The following ABCA9 variants were observed in gnomAD, a reference collection of about 807,000 sequenced individuals.
ABCA9 encodes the protein ATP-binding cassette sub-family A member 9.
In ABCA9, 183 loss-of-function variants were observed where a neutral mutation model predicts 205.3. The ratio of observed to expected loss-of-function variants is 0.89; its 90% CI spans 0.79 to 1.01. The LOEUF (loss-of-function observed/expected upper bound fraction) is 1.01. ABCA9 is among the 50% of genes least tolerant of loss of function. The probability of loss-of-function intolerance (pLI) is 0.00; values close to 1 mark genes in which losing one functional copy is unlikely to be tolerated. For synonymous variants in ABCA9, 651 were observed against 683.3 expected, an observed-to-expected ratio of 0.95 and a Z score of 0.74; for missense variants, 1,805 against 1,912.4, an observed-to-expected ratio of 0.94 and a Z score of 1.05.
intron 4 of ABCA9, 78 bp from the exon 5 acceptor site, chr17:69,044,678 C>A: frequency 7.6e-7 from 1 of 1,313,398 alleles, no homozygotes; most frequent in Non-Finnish European, 1.1e-6. Context: ...TCAAATGTTT[C>A]AAAATGCAAA....
intron 37 of ABCA9, among the ~76,000 whole-genome samples, chr17:68,981,318 T>C (rs1003522803): frequency 1.3e-5 from 2 of 151,826 alleles, no homozygotes; most frequent in African/African-American, 4.8e-5. Context: ...ATGTTAAGTA[T>C]GTGATGTGAA....
At chr17:69,035,178 G>C in intron 8 of ABCA9, 68 bp downstream of exon 8, 1 of 1,274,362 alleles carries the variant, frequency 7.8e-7, no homozygotes, top group Non-Finnish European at 1.0e-6. Context: ...AGCATGTTGT[G>C]TGAATTATTA....
At position 69,026,400 on chromosome 17, in the gene ABCA9, TTTC is replaced by T; in HGVS notation, c.2115_2117del (p.Lys706del). ...ACCTTAAATGGTAGCCTATGCCCCA[TTTC>T]TTCTTAAGGAACAGAGAAGAGCCTG... is the stretch of plus-strand genomic sequence containing the variant. On this transcript the variant is annotated inframe_deletion, in exon 16 of 39. Coordinates refer to ENST00000340001, the MANE Select transcript of ABCA9 (RefSeq NM_080283.4). 6.2e-7 allele frequency: 1 copy of T among 1,613,830 alleles called. No individual in the cohort carries two copies. Among genetic ancestry groups the T allele is most frequent in the South Asian group, 1.1e-5 (1 of 91,076 alleles).
chr17:69,065,932 C>A (rs1274798017), upstream of ABCA9, among the ~76,000 whole-genome samples: 2 of 152,170 alleles, frequency 1.3e-5, no homozygotes, highest in Non-Finnish European at 2.9e-5. Context: ...TTGCTCGGCA[C>A]TTCTCTTTCC....
Position 68,985,133 on chromosome 17 carries a change from A to G in ABCA9, c.4209-5T>C. 6.2e-7 allele frequency: 1 copy of G among 1,614,226 alleles called. No individual in the cohort carries two copies. The highest frequency in any genetic ancestry group is 1.7e-5 in the Admixed American group (1 of 60,022). ...AGCTTGAGCGCATCCACTAACCTGAAGAAAACAGAGTCAATCCACATAATC... is the reference window on the plus strand; with the variant it reads ...AGCTTGAGCGCATCCACTAACCTGAGGAAAACAGAGTCAATCCACATAATC... On this transcript the variant is annotated splice_polypyrimidine_tract_variant and splice_region_variant and intron_variant, in intron 32 of 38. Coordinates refer to ENST00000340001, the MANE Select transcript of ABCA9 (RefSeq NM_080283.4).
At chr17:69,076,586 T>C in the ABCA9 span, among the ~76,000 whole-genome samples, 2 of 152,128 alleles carry the variant, frequency 1.3e-5, no homozygotes, top group Non-Finnish European at 2.9e-5. Flanking sequence ...TCAGTAAAAT[T>C]GCTCAGCTCT....
At chr17:69,032,056 C>A in intron 10 of ABCA9, 52 bp downstream of exon 10, 1 of 1,531,074 alleles carries the variant, frequency 6.5e-7, no homozygotes, top group Non-Finnish European at 8.9e-7. Context: ...CCTGACAGAT[C>A]CCCAGTCTCT....
Position 69,032,178 on chromosome 17 carries a change from C to A in ABCA9, c.1375G>T (p.Asp459Tyr). Reference sequence around the variant, plus strand: ...CAGTCATTAGGTGTAGGATCAGAATCTGTTTCATTCTCAAGGACCACATGA... The same window carrying A: ...CAGTCATTAGGTGTAGGATCAGAATATGTTTCATTCTCAAGGACCACATGA... ...ANHVVLENET[D>Y]SDPTPNDCFE... is the part of the protein sequence containing the mutation. Residue 459 changes from aspartate to tyrosine, a missense_variant, in exon 10 of 39, where the codon GAT becomes TAT. By Grantham distance (160) the Asp-to-Tyr change is radical (BLOSUM62 -3). Transcript: ENST00000340001. The A allele has an allele frequency of 6.2e-7, 1 of 1,614,024 alleles. No homozygotes were observed. The highest frequency in any genetic ancestry group is 8.5e-7 in the Non-Finnish European group (1 of 1,179,934).
chr17:69,060,964 A>T (rs1216761034), upstream of ABCA9: 2 of 985,318 alleles, frequency 2.0e-6, no homozygotes, highest in South Asian at 9.4e-5. Context: ...TCACTACTAC[A>T]TCATGCTTTT....
In ABCA9 at chr17:69,044,584, CA is replaced by C. The variant is rs761356151; in HGVS notation, c.485del (p.Val162GlyfsTer5). ...HRDHSAHCQA[V>X]NEKMKCEGSE... is the part of the protein sequence containing the mutation. ...AACCTTCACACTTCATTTTTTCATT[CA>C]CTGCTTGACAGTGAGCTTTAGAAGA... is the stretch of plus-strand genomic sequence containing the variant. On this transcript the variant is annotated frameshift_variant, in exon 5 of 39. Coordinates refer to ENST00000340001, the MANE Select transcript of ABCA9 (RefSeq NM_080283.4). LOFTEE classifies it high-confidence loss of function. The C allele has an allele frequency of 1.1e-5, 17 of 1,612,630 alleles. No individual in the cohort carries two copies. Among genetic ancestry groups the C allele is most frequent in the African/African-American group, 2.7e-5 (2 of 74,842 alleles).
At position 69,021,834 on chromosome 17, in the gene ABCA9, G is replaced by C. The variant is rs1217124633; in HGVS notation, c.2309C>G (p.Ser770Cys). The change falls in exon 18 of 39, where the codon TCT becomes TGT. Residue 770 changes from serine (S) to cysteine (C), a missense_variant. Transcript: ENST00000340001. ...ACCATAATCCTCAATGCCTTGGTTA[G>C]AACATCTATCAAGATCCCTGTAAAG... ...PELYRDLDRCSNQGIEDYGVS... is the reference protein window; with the variant it reads ...PELYRDLDRCCNQGIEDYGVS... 1.9e-6 allele frequency: 3 copies of C among 1,573,564 alleles called. No homozygotes were observed. The highest frequency in any genetic ancestry group is 2.6e-6 in the Non-Finnish European group (3 of 1,154,466).
At chr17:68,990,279 A>G (rs1444303252) in intron 29 of ABCA9, among the ~76,000 whole-genome samples, 3 of 152,228 alleles carry the variant, frequency 2.0e-5, no homozygotes, top group Non-Finnish European at 2.9e-5. Flanking sequence ...TTTGGTTATA[A>G]AACACAAAAT....
intron 27 of ABCA9, 96 bp from the exon 28 acceptor site, chr17:68,992,362 C>T (rs1222485008): frequency 4.0e-5 from 31 of 784,590 alleles, no homozygotes; most frequent in Admixed American, 6.7e-5. Flanking sequence ...TATAAAAATT[C>T]GATTTGATAG....
chr17:69,075,526 CTGTT>C, the ABCA9 span, among the ~76,000 whole-genome samples: 2 of 151,964 alleles, frequency 1.3e-5, no homozygotes, highest in African/African-American at 4.8e-5. Flanking sequence ...CTTATTTTGT[CTGTT>C]TGTCAAAGAA....
chr17:69,017,986 C>A (rs1171649554), intron 20 of ABCA9, 197 bp from the exon 21 acceptor site: 2 of 523,060 alleles, frequency 3.8e-6, no homozygotes, highest in Non-Finnish European at 6.6e-6. Flanking sequence ...TTATCTAGAG[C>A]CTAGGCATTT....
At position 69,051,059 on chromosome 17, in the gene ABCA9, T is replaced by C; in HGVS notation, c.68A>G (p.Lys23Arg). The part of the protein sequence containing the change: ...WALLCKNCLK[K>R]WRMKRQTLLE... ...CAAGGTCTGTCTTTTCATTCTCCAT[T>C]TTTTGAGACAGTTCTTGCAGAGAAG... Residue 23 changes from lysine (K) to arginine (R), a missense_variant, in exon 2 of 39, where the codon AAA becomes AGA. By Grantham distance (26) the Lys-to-Arg change is conservative (BLOSUM62 2). Transcript: ENST00000340001. The C allele has an allele frequency of 1.9e-6, 3 of 1,613,764 alleles. No individual in the cohort carries two copies. Among genetic ancestry groups the C allele is most frequent in the Non-Finnish European group, 2.5e-6 (3 of 1,179,816 alleles).
At chr17:69,051,166 G>C (rs1942365329) in intron 1 of ABCA9, 27 bp from the exon 2 acceptor site, 3 of 1,603,190 alleles carry the variant, frequency 1.9e-6, no homozygotes, top group Middle Eastern at 1.7e-4. Context: ...AAAAAATGAA[G>C]TACATGTGAA....
At chr17:69,014,533 G>T (rs1236380733) in intron 22 of ABCA9, among the ~76,000 whole-genome samples, 2 of 152,148 alleles carry the variant, frequency 1.3e-5, no homozygotes, top group Non-Finnish European at 2.9e-5. Context: ...TTCAAAGTCT[G>T]CTTGGGACAT....
intron 37 of ABCA9, among the ~76,000 whole-genome samples, chr17:68,978,565 A>G (rs1405125172): frequency 2.6e-5 from 4 of 152,090 alleles, no homozygotes; most frequent in Non-Finnish European, 5.9e-5. Flanking sequence ...CCTAGCCTCA[A>G]TGGTCTTTAC....
Sources: allele counts gnomAD v4.1 joint callset (sites outside exome capture counted in the v4.1 genomes callset), GRCh38; gene constraint gnomAD v4.1.1; transcripts MANE v1.5; gene names NCBI Gene and HGNC (gene_info 2026-07-23, HGNC 2026-07-21).